The following COL4A5 variants were observed in gnomAD, a reference collection of about 807,000 sequenced individuals.
The protein encoded by COL4A5 is collagen alpha-5(IV) chain.
In COL4A5, 26 loss-of-function variants were observed where a neutral mutation model predicts 130.2. That is an observed-to-expected ratio of 0.20 (90% CI 0.15 to 0.28). COL4A5 has a LOEUF of 0.28. Among genes scored for constraint, COL4A5 ranks in the 10% least tolerant of loss-of-function variants. COL4A5 has a pLI of 1.00. For synonymous variants in COL4A5, 496 were observed against 439.6 expected (o/e 1.13, Z -1.60); for missense variants, 1,131 against 1,344.3 (o/e 0.84, Z 2.48).
intron 36 of COL4A5, among the ~76,000 whole-genome samples, chrX:108,643,498 C>G (rs2067511210): frequency 9.0e-6 from 1 of 111,670 alleles, no homozygotes; most frequent in Non-Finnish European, 1.9e-5. Context: ...GAAAACCTGT[C>G]AGATCAACAG....
At chrX:108,618,315 A>G (rs1466944092) in intron 30 of COL4A5, among the ~76,000 whole-genome samples, 3 of 111,787 alleles carry the variant, frequency 2.7e-5, no homozygotes, top group Non-Finnish European at 5.7e-5. Flanking sequence ...CGATGAAGAA[A>G]GAAATCCTTG....
At chrX:108,514,062 A>G (rs1019790988) in intron 1 of COL4A5, among the ~76,000 whole-genome samples, 33 of 111,425 alleles carry the variant, frequency 3.0e-4, no homozygotes, top group Admixed American at 2.1e-3. Flanking sequence ...CAAGTACACT[A>G]TCTCTATTCT....
intron 1 of COL4A5, among the ~76,000 whole-genome samples, chrX:108,453,878 A>G (rs1378500104): frequency 8.9e-6 from 1 of 112,077 alleles, no homozygotes; most frequent in African/African-American, 3.2e-5. Flanking sequence ...CAAACAGAAA[A>G]TGTAGATACT....
At chrX:108,591,346 C>A in intron 20 of COL4A5, 115 bp downstream of exon 20, 1 of 759,147 alleles carries the variant, frequency 1.3e-6, no homozygotes, top group Non-Finnish European at 1.9e-6. Context: ...CTAAGAAATT[C>A]TACCACTGCT....
chrX:108,644,036 GAAAAAAGCCTTTCATGC>G (rs1311095523), intron 36 of COL4A5, among the ~76,000 whole-genome samples: 1 of 111,763 alleles, frequency 8.9e-6, no homozygotes, highest in African/African-American at 3.3e-5. Flanking sequence ...TAAAGGAGTG[GAAAAAAGCCTTTCATGC>G]AAATAGACAC....
chrX:108,687,428 A>G, intron 48 of COL4A5, 54 bp from the exon 49 acceptor site: 1 of 1,009,670 alleles, frequency 9.9e-7, no homozygotes, highest in African/African-American at 1.9e-5. Context: ...CAATATCCAT[A>G]AGAGTGGATC....
intron 1 of COL4A5, among the ~76,000 whole-genome samples, chrX:108,522,077 T>C (rs747008295): frequency 9.0e-6 from 1 of 111,192 alleles, no homozygotes; most frequent in South Asian, 3.8e-4. Flanking sequence ...ATTTTTTGTC[T>C]GGCTTCTTTC....
At chrX:108,532,253 T>C (rs765123506) in intron 1 of COL4A5, among the ~76,000 whole-genome samples, 2 of 111,693 alleles carry the variant, frequency 1.8e-5, no homozygotes, top group South Asian at 7.5e-4. Flanking sequence ...TCCATTGGGA[T>C]TGAAGGCAAG....
intron 1 of COL4A5, chrX:108,442,875 TATC>T (rs2147455456): frequency 8.9e-6 from 1 of 111,904 alleles, no homozygotes; most frequent in South Asian, 3.8e-4. Context: ...ATACCGTTAT[TATC>T]CTCACTTTAC....
intron 17 of COL4A5, among the ~76,000 whole-genome samples, chrX:108,584,073 TAAAAAAA>T (rs56676245): frequency 5.2e-5 from 3 of 57,526 alleles, no homozygotes; most frequent in Non-Finnish European, 1.0e-4. Flanking sequence ...TGGCTAAATG[TAAAAAAA>T]AAAAAAAAAA....
At chrX:108,622,597 A>G in intron 32 of COL4A5, 79 bp from the exon 33 acceptor site, 1 of 1,085,491 alleles carries the variant, frequency 9.2e-7, no homozygotes, top group Non-Finnish European at 1.3e-6. Flanking sequence ...CAACTATGAA[A>G]CATATCAATA....
chrX:108,452,977 C>T lies in COL4A5; in HGVS notation c.81+12771C>T, dbSNP rs190030798. ...GGCTGTGGGTTTGTCATAGATAGCTCTTATTATTTTGAGATACATCCCATC... is the reference window on the plus strand; with the variant it reads ...GGCTGTGGGTTTGTCATAGATAGCTTTTATTATTTTGAGATACATCCCATC... On this transcript the variant is annotated intron_variant, in intron 1 of 52. Transcript: ENST00000328300. Among the ~76,000 whole-genome samples the T allele has an allele frequency of 7.1e-3, 786 of 110,404 alleles. 4 individuals carry two copies. The highest frequency in any genetic ancestry group is 0.036 in the East Asian group (127 of 3,499).
chrX:108,686,042 C>T lies in COL4A5; in HGVS notation c.4228C>T (p.Pro1410Ser). The T allele has an allele frequency of 8.3e-7, 1 of 1,209,970 alleles. No individual in the cohort carries two copies. The highest frequency in any genetic ancestry group is 1.8e-5 in the South Asian group (1 of 56,865). ...GPQGLPGPTG[P>S]PGDPGRNGLP... ...TTCTTTTCCTGTAGGTCCAACTGGC[C>T]CTCCAGGAGATCCTGGACGCAATGG... Residue 1410 changes from proline to serine, a missense_variant, in exon 48 of 53, where the codon CCT (proline) becomes TCT (serine). Pro to Ser is a moderately conservative substitution (Grantham distance 74, BLOSUM62 -1). Coordinates refer to ENST00000328300, the MANE Select transcript of COL4A5 (RefSeq NM_033380.3).
intron 30 of COL4A5, among the ~76,000 whole-genome samples, chrX:108,619,190 G>A (rs2066990073): frequency 9.0e-6 from 1 of 111,627 alleles, no homozygotes; most frequent in Non-Finnish European, 1.9e-5. Context: ...AATCTTCAAA[G>A]TGGATTTTGT....
chrX:108,528,999 C>T (rs1407537841), intron 1 of COL4A5, among the ~76,000 whole-genome samples: 2 of 111,621 alleles, frequency 1.8e-5, no homozygotes, highest in African/African-American at 6.5e-5. Context: ...AAATCTTCTC[C>T]ATGACACATT....
At chrX:108,619,259 C>A in intron 30 of COL4A5, among the ~76,000 whole-genome samples, 1 of 111,586 alleles carries the variant, frequency 9.0e-6, no homozygotes, top group Non-Finnish European at 1.9e-5. Flanking sequence ...TAGCATCTTA[C>A]TCTCTACAAA....
intron 1 of COL4A5, among the ~76,000 whole-genome samples, chrX:108,510,185 G>A (rs896189760): frequency 1.8e-5 from 2 of 111,163 alleles, no homozygotes; most frequent in African/African-American, 6.5e-5. Context: ...GAGAAGAGCA[G>A]ATAAAATAAA....
chrX:108,506,952 TATAAAA>T (rs1265544522), intron 1 of COL4A5, among the ~76,000 whole-genome samples: 1 of 110,121 alleles, frequency 9.1e-6, no homozygotes, highest in Non-Finnish European at 1.9e-5. Context: ...AGCTAAGAAA[TATAAAA>T]ATAAATTCAC....
intron 1 of COL4A5, among the ~76,000 whole-genome samples, chrX:108,503,076 A>T (rs1433129428): frequency 9.0e-6 from 1 of 110,950 alleles, no homozygotes. Context: ...GCAGTTTAAC[A>T]TTTTTTTCTG....
Sources: gnomAD v4.1 joint callset for allele counts (sites outside exome capture counted in the v4.1 genomes callset) on GRCh38, gnomAD v4.1.1 for gene constraint, MANE v1.5 for transcripts, NCBI Gene and HGNC (gene_info 2026-07-23, HGNC 2026-07-21) for gene names.